The following IGSF22 variants were observed in gnomAD, a reference collection of about 807,000 sequenced individuals.
IGSF22 encodes immunoglobulin superfamily member 22.
In IGSF22, 119 loss-of-function variants were observed where a neutral mutation model predicts 127.0. That is an observed-to-expected ratio of 0.94 (90% CI 0.81 to 1.09). The LOEUF is 1.09. Among genes scored for constraint, IGSF22 ranks in the 50% least tolerant of loss-of-function variants. The pLI is 0.00. For synonymous variants in IGSF22, 568 were observed against 664.7 expected, an observed-to-expected ratio of 0.85 and a Z score of 2.24; for missense variants, 1,518 against 1,716.6, an observed-to-expected ratio of 0.88 and a Z score of 2.04.
At position 18,709,687 on chromosome 11, in the gene IGSF22, G is replaced by T. The variant is rs1273442617; in HGVS notation, c.2702-4C>A. ...TCCTGGACCAGGCCTGGGGGTTCTG[G>T]GGTAGAACAGACATGTAGTCAGCCC... On this transcript the variant is annotated splice_polypyrimidine_tract_variant and splice_region_variant and intron_variant, in intron 17 of 22. Transcript: ENST00000513874. This position sits in a 1 kb window ranked among gnomAD's most constrained non-coding sequence, Gnocchi z 4.8. 6.2e-7 allele frequency: 1 copy of T among 1,612,128 alleles called. No homozygotes were observed. Among genetic ancestry groups the T allele is most frequent in the Admixed American group, 1.7e-5 (1 of 59,884 alleles).
chr11:18,722,220 G>C (rs1332691076), intron 2 of IGSF22, among the ~76,000 whole-genome samples, 179 bp from the exon 3 acceptor site: 1 of 152,150 alleles, frequency 6.6e-6, no homozygotes, highest in Non-Finnish European at 1.5e-5. Flanking sequence ...TTGTGTTATG[G>C]CAAGTTTCAA....
intron 7 of IGSF22, among the ~76,000 whole-genome samples, chr11:18,719,320 G>GTTTTTTTTTTGT (rs367652448): frequency 7.2e-6 from 1 of 138,102 alleles, no homozygotes; most frequent in Admixed American, 7.2e-5. Context: ...GTTTTTTTTT[G>GTTTTTTTTTTGT]TTTTTTTTTG....
rs758558229 is a variant in IGSF22, at chr11:18,707,056, G to C, written c.3438C>G (p.Ala1146=). 50 of 1,551,562 alleles carry C rather than the reference G, an allele frequency of 3.2e-5. No individual in the cohort carries two copies. The highest frequency in any genetic ancestry group is 4.2e-5 in the Non-Finnish European group (48 of 1,146,994). ...TGTACTTGTTGCTGAAGACACGCTC[G>C]GCTGCCGTGTACCAGGTGGCTGTGC... The part of the protein sequence containing the change: ...DASTATWYTA[A]ERVFSNKYTV... The change falls in exon 21 of 23, where the codon GCC becomes GCG. Residue 1146 remains alanine (A), a synonymous_variant. Coordinates refer to ENST00000513874, the MANE Select transcript of IGSF22 (RefSeq NM_173588.4).
chr11:18,715,445 G>T lies in IGSF22; in HGVS notation c.1518C>A (p.Ile506=). Reference sequence around the variant, plus strand: ...GGCGGGTGTTACCCTCCACAGTGACGATGGCAGTACTGTAGTATTCAGTAG... The same window carrying T: ...GGCGGGTGTTACCCTCCACAGTGACTATGGCAGTACTGTAGTATTCAGTAG... ...GDPTEYYSTA[I]VTVEERLATV... The change falls in exon 11 of 23, where the codon ATC becomes ATA. Residue 506 remains isoleucine (I), a synonymous_variant. Transcript: ENST00000513874. 1.9e-6 allele frequency: 3 copies of T among 1,610,560 alleles called. No homozygotes were observed. Among genetic ancestry groups the T allele is most frequent in the Non-Finnish European group, 2.5e-6 (3 of 1,178,608 alleles).
At chr11:18,721,490 G>T in intron 4 of IGSF22, 45 bp downstream of exon 4, 1 of 1,613,350 alleles carries the variant, frequency 6.2e-7, no homozygotes, top group Non-Finnish European at 8.5e-7. Flanking sequence ...GGGGGTCCCT[G>T]CCTCTGGCCT....
intron 15 of IGSF22, 52 bp downstream of exon 15, chr11:18,712,030 T>A: frequency 6.9e-7 from 1 of 1,452,486 alleles, no homozygotes. Context: ...TGGCTTAAGG[T>A]CTCCATGCTG....
Position 18,707,676 on chromosome 11 carries a change from G to A in IGSF22, c.3280+128C>T. ...CTGTATGATAAAGTCTTGCTCTGTG[G>A]TGTCAAAGAAATCTTCATGGCCCTA... On this transcript the variant is annotated intron_variant, in intron 20 of 22. Transcript: ENST00000513874. 2 of 721,028 alleles carry A rather than the reference G, an allele frequency of 2.8e-6. 1 individual carries two copies. Among genetic ancestry groups the A allele is most frequent in the South Asian group, 3.7e-5 (2 of 53,830 alleles). 44.7% of individuals were successfully genotyped at this position (721,028 alleles called of 1,614,324 possible). A position where few individuals can be genotyped will look rare whatever the true frequency, so the allele number is the denominator to read the frequency against.
At chr11:18,707,270 C>G in intron 20 of IGSF22, 57 bp from the exon 21 acceptor site, 1 of 1,414,782 alleles carries the variant, frequency 7.1e-7, no homozygotes, top group Non-Finnish European at 9.4e-7. Flanking sequence ...ATTATGTCCC[C>G]ACCCCAGCCA....
chr11:18,710,255 G>A (rs1848326484), intron 17 of IGSF22, 72 bp downstream of exon 17: 2 of 1,580,712 alleles, frequency 1.3e-6, no homozygotes, highest in Non-Finnish European at 1.7e-6. Flanking sequence ...ACTTTCCCGG[G>A]GAAGAAATTC....
intron 3 of IGSF22, 68 bp downstream of exon 3, chr11:18,721,842 C>T: frequency 1.3e-6 from 2 of 1,597,928 alleles, no homozygotes; most frequent in Admixed American, 1.7e-5. Context: ...TGGGGTAGGA[C>T]GGAGGGTGGG....
At position 18,721,987 on chromosome 11, in the gene IGSF22, G is replaced by T. The variant is rs1370390677; in HGVS notation, c.164C>A (p.Thr55Asn). The change falls in exon 3 of 23, where the codon ACC becomes AAC. Residue 55 changes from threonine to asparagine, a missense_variant. Thr to Asn is a moderately conservative substitution (Grantham distance 65). This residue lies in a region of IGSF22 where 1,456 missense variants were observed against 1,644.9 expected (regional missense o/e 0.89). Coordinates refer to ENST00000513874, the MANE Select transcript of IGSF22 (RefSeq NM_173588.4). ...GCCCGCAGGGATGTTTGAGCTCCGG[G>T]TCACTAAGCTGAAGAACTCCACTAT... is the stretch of plus-strand genomic sequence containing the variant. ...SSIVEFFSLV[T>N]RSSNIPAGDS... The T allele has an allele frequency of 2.5e-6, 4 of 1,614,072 alleles. No individual in the cohort carries two copies. In the South Asian group the frequency reaches 4.4e-5, roughly 18 times the overall value.
Position 18,714,332 on chromosome 11 carries a change from G to A in IGSF22, c.1743C>T (p.Gly581=), listed in dbSNP as rs772992615. The change falls in exon 13 of 23, where the codon GGC becomes GGT. Residue 581 remains glycine (G), a synonymous_variant. Coordinates refer to ENST00000513874, the MANE Select transcript of IGSF22 (RefSeq NM_173588.4). ...IFPSMGPEHE[G]KYTFRAKGTE... is the part of the protein sequence containing the mutation. ...TGCCCTTGGCCCGGAATGTGTACTT[G>A]CCCTCGTGCTCAGGGCCCATACTGG... is the stretch of plus-strand genomic sequence containing the variant. The A allele has an allele frequency of 6.2e-7, 1 of 1,614,232 alleles. No homozygotes were observed. Among genetic ancestry groups the A allele is most frequent in the Non-Finnish European group, 8.5e-7 (1 of 1,180,042 alleles).
intron 2 of IGSF22, among the ~76,000 whole-genome samples, chr11:18,722,346 T>C (rs1252306873): frequency 6.6e-6 from 1 of 152,146 alleles, no homozygotes; most frequent in East Asian, 1.9e-4. Flanking sequence ...GGAATTTTCT[T>C]GGTCTCTTAG....
chr11:18,709,812 C>A lies in IGSF22; in HGVS notation c.2702-129G>T. The A allele has an allele frequency of 7.0e-6, 6 of 862,928 alleles. No individual in the cohort carries two copies. The highest frequency in any genetic ancestry group is 1.8e-5 in the South Asian group (1 of 56,282). The allele number at this position is 862,928 out of a possible 1,614,324, so 53.5% of individuals were successfully genotyped here. ...CTAGCTCCAGATCCCTCAGTTAACA[C>A]CCTTAGTACCTAGCCTTATACACTC... On this transcript the variant is annotated intron_variant, in intron 17 of 22. Coordinates refer to ENST00000513874, the MANE Select transcript of IGSF22 (RefSeq NM_173588.4). The surrounding 1 kb of genome is among the most constrained non-coding windows in gnomAD (Gnocchi z 4.8).
chr11:18,718,561 G>T (rs1480437806), intron 8 of IGSF22, 54 bp downstream of exon 8: 33 of 949,356 alleles, frequency 3.5e-5, no homozygotes, highest in Middle Eastern at 4.3e-4. Context: ...GTGAGAGAAG[G>T]GGGTAGAGAG....
chr11:18,705,887 GCT>G lies in IGSF22; in HGVS notation c.3838_3839del (p.Ser1280ArgfsTer24). ...LVIPTCTLKD[S>X]GDYSVLVENE... Reference sequence around the variant, plus strand: ...TCTCCACCAGCACGCTGTAATCGCCGCTGTCCTTGAGCGTGCAGGTGGGGATG... The same window carrying G: ...TCTCCACCAGCACGCTGTAATCGCCGGTCCTTGAGCGTGCAGGTGGGGATG... On this transcript the variant is annotated frameshift_variant, in exon 22 of 23. Transcript: ENST00000513874. LOFTEE classifies it high-confidence loss of function. The G allele has an allele frequency of 6.4e-7, 1 of 1,551,582 alleles. No individual in the cohort carries two copies. The highest frequency in any genetic ancestry group is 8.7e-7 in the Non-Finnish European group (1 of 1,146,976).
rs1848369686 is a variant in IGSF22, at chr11:18,712,169, C to T, written c.2311G>A (p.Ala771Thr). 1.3e-6 allele frequency: 2 copies of T among 1,551,764 alleles called. No individual in the cohort carries two copies. The highest frequency in any genetic ancestry group is 1.7e-6 in the Non-Finnish European group (2 of 1,147,008). The change falls in exon 15 of 23, where the codon GCC (alanine) becomes ACC (threonine). Residue 771 changes from alanine (A) to threonine (T), a missense_variant. Coordinates refer to ENST00000513874, the MANE Select transcript of IGSF22 (RefSeq NM_173588.4). ...FSTNKVEEGK[A>T]YQFRILAVNS... ...ACTGCCAGGATACGGAACTGGTAGG[C>T]TTTTCCCTCTTCCACCTTGTTGGTG...
rs1178318976 is a variant in IGSF22 at position 18,712,223 on chromosome 11, C to T, written c.2257G>A (p.Glu753Lys). 2.9e-5 allele frequency: 45 copies of T among 1,551,638 alleles called. No homozygotes were observed. Among genetic ancestry groups the T allele is most frequent in the Non-Finnish European group, 3.8e-5 (44 of 1,147,012 alleles). ...AAGTTGGTGACTTTGCCGTCCACCT[C>T]GCCTATCTTAATCCAGGACTTCTTG... Reference protein sequence around the residue: ...VGKKSWIKIGEVDGKVTNFST... With the variant: ...VGKKSWIKIGKVDGKVTNFST... The change falls in exon 15 of 23, where the codon GAG becomes AAG. Residue 753 changes from glutamate to lysine, a missense_variant. Physicochemically the swap from Glu to Lys is moderately conservative, Grantham distance 56. This residue lies in a region of IGSF22 where 1,456 missense variants were observed against 1,644.9 expected (regional missense o/e 0.89). Transcript: ENST00000513874.
chr11:18,717,821 G>T, intron 9 of IGSF22, 110 bp downstream of exon 9: 2 of 1,229,682 alleles, frequency 1.6e-6, no homozygotes, highest in Non-Finnish European at 2.3e-6. Flanking sequence ...ATCCTTTCTT[G>T]CACAGTCCCA....
Sources: gnomAD v4.1 joint callset for allele counts (sites outside exome capture counted in the v4.1 genomes callset) on GRCh38, gnomAD v4.1.1 for gene constraint, gnomAD v4.1.1 regional missense constraint, Gnocchi (gnomAD v3.1) non-coding constraint, MANE v1.5 for transcripts, NCBI Gene and HGNC (gene_info 2026-07-23, HGNC 2026-07-21) for gene names.